The following PARN variants were observed in gnomAD, a reference collection of about 807,000 sequenced individuals.
PARN encodes the protein poly(A)-specific ribonuclease.
In PARN, 71 loss-of-function variants were observed where a neutral mutation model predicts 102.8. The observed-to-expected ratio is 0.69, with a 90% CI of 0.57 to 0.84. The LOEUF (loss-of-function observed/expected upper bound fraction) is 0.84, where lower values mean the gene tolerates loss of function less well. PARN is among the 40% of genes least tolerant of loss of function. PARN has a pLI of 0.00. For missense variants in PARN, 782 were observed against 760.9 expected (o/e 1.03, Z -0.33); for synonymous variants, 261 against 252.9 (o/e 1.03, Z -0.30).
At chr16:14,481,544 G>A (rs1963382440) in intron 22 of PARN, among the ~76,000 whole-genome samples, 2 of 152,128 alleles carry the variant, frequency 1.3e-5, no homozygotes. Context: ...ATCTTGCTTT[G>A]GTTGGAGATT....
chr16:14,572,737 G>A (rs16963797), intron 18 of PARN, among the ~76,000 whole-genome samples: 7,804 of 152,208 alleles, frequency 0.051, 242 homozygotes, highest in African/African-American at 0.081. Flanking sequence ...GGTACTAGCA[G>A]AAGTAGACAC....
intron 12 of PARN, among the ~76,000 whole-genome samples, chr16:14,597,017 C>T (rs1374842970): frequency 6.6e-6 from 1 of 152,036 alleles, no homozygotes; most frequent in East Asian, 1.9e-4. Context: ...GAACTCCCGA[C>T]CTCCAGTGAT....
At chr16:14,469,328 A>G (rs1331281015) in intron 22 of PARN, among the ~76,000 whole-genome samples, 1 of 152,214 alleles carries the variant, frequency 6.6e-6, no homozygotes, top group Non-Finnish European at 1.5e-5. Context: ...GCAAAACTCC[A>G]TCAAAACAAA....
chr16:14,438,357 G>A (rs911369306), intron 23 of PARN, among the ~76,000 whole-genome samples: 6 of 150,114 alleles, frequency 4.0e-5, no homozygotes. Context: ...ATCCAGCTCA[G>A]AGGAAAAAGG....
intron 10 of PARN, among the ~76,000 whole-genome samples, chr16:14,606,200 G>C (rs1971169139): frequency 6.6e-6 from 1 of 152,082 alleles, no homozygotes; most frequent in African/African-American, 2.4e-5. Context: ...AGGAGTTCAA[G>C]ACTAGCCTGG....
At chr16:14,517,123 C>T (rs1262429050) in intron 21 of PARN, among the ~76,000 whole-genome samples, 1 of 151,836 alleles carries the variant, frequency 6.6e-6, no homozygotes, top group Non-Finnish European at 1.5e-5. Context: ...TGTAAAATGG[C>T]AAAAAAAATC....
chr16:14,527,208 C>T (rs1966056002), intron 21 of PARN, among the ~76,000 whole-genome samples: 1 of 152,176 alleles, frequency 6.6e-6, no homozygotes, highest in Admixed American at 6.5e-5. Context: ...GAGTAAACAG[C>T]TGAATCTCCA....
chr16:14,460,462 A>T (rs1961903592), intron 22 of PARN, among the ~76,000 whole-genome samples: 1 of 152,220 alleles, frequency 6.6e-6, no homozygotes, highest in African/African-American at 2.4e-5. Context: ...CGGAAGGGTG[A>T]GTATTCTACA....
At chr16:14,620,226 A>C (rs147857283) in intron 5 of PARN, among the ~76,000 whole-genome samples, 6,223 of 151,278 alleles carry the variant, frequency 0.041, 147 homozygotes, top group African/African-American at 0.051. Context: ...AAATACAAAA[A>C]ATTAGCCAGG....
chr16:14,607,011 G>A (rs930395726), intron 9 of PARN, among the ~76,000 whole-genome samples: 3 of 151,988 alleles, frequency 2.0e-5, no homozygotes, highest in Non-Finnish European at 4.4e-5. Context: ...TCGATGTCCT[G>A]ACCTCGTGAT....
chr16:14,542,673 G>A (rs12443690), intron 21 of PARN, among the ~76,000 whole-genome samples: 102,497 of 152,000 alleles, frequency 0.67, 35,939 homozygotes, highest in Non-Finnish European at 0.78. Context: ...CATAACTAAA[G>A]TATACAATAT....
chr16:14,463,646 T>C (rs1024337514), intron 22 of PARN, among the ~76,000 whole-genome samples: 3 of 151,960 alleles, frequency 2.0e-5, no homozygotes, highest in African/African-American at 7.3e-5. Context: ...GACCCAGCAA[T>C]AGTAACTATC....
At chr16:14,582,414 ATTCC>A in intron 16 of PARN, 123 bp from the exon 17 acceptor site, 1 of 670,164 alleles carries the variant, frequency 1.5e-6, no homozygotes, top group South Asian at 1.7e-5. Context: ...AAAGCTATCT[ATTCC>A]TTAATTCTCT....
intron 18 of PARN, among the ~76,000 whole-genome samples, chr16:14,572,878 C>A (rs1358920238): frequency 6.6e-6 from 1 of 151,562 alleles, no homozygotes; most frequent in Non-Finnish European, 1.5e-5. Context: ...CATGTTAGAT[C>A]TTTTTGTATT....
intron 18 of PARN, among the ~76,000 whole-genome samples, chr16:14,579,837 G>A (rs903905624): frequency 2.0e-5 from 3 of 152,046 alleles, no homozygotes; most frequent in African/African-American, 7.2e-5. Flanking sequence ...TTAGCCAGGT[G>A]TGGTGGTACA....
At chr16:14,601,141 G>C (rs1027236889) in intron 11 of PARN, among the ~76,000 whole-genome samples, 2 of 152,050 alleles carry the variant, frequency 1.3e-5, no homozygotes, top group Non-Finnish European at 2.9e-5. Context: ...ATTGAAAGCA[G>C]GGACTCAAAT....
At chr16:14,493,498 G>C (rs1818965102) in intron 21 of PARN, among the ~76,000 whole-genome samples, 1 of 152,232 alleles carries the variant, frequency 6.6e-6, no homozygotes, top group Admixed American at 6.5e-5. Flanking sequence ...TTACAGGCAT[G>C]AACCACTGTG....
chr16:14,451,867 T>TAAAAAAAAAAAAAAAAAAAAAAAA (rs1567287329), intron 22 of PARN, among the ~76,000 whole-genome samples: 1 of 23,744 alleles, frequency 4.2e-5, no homozygotes, highest in African/African-American at 1.9e-4. Flanking sequence ...AAAAAAAAAA[T>TAAAAAAAAAAAAAAAAAAAAAAAA]ACAAAAAAAA....
intron 23 of PARN, among the ~76,000 whole-genome samples, chr16:14,437,689 G>T (rs1162816685): frequency 6.6e-6 from 1 of 152,154 alleles, no homozygotes; most frequent in Non-Finnish European, 1.5e-5. Context: ...CATAAAGTAG[G>T]GCTGACGGGG....
Sources: allele counts gnomAD v4.1 joint callset (sites outside exome capture counted in the v4.1 genomes callset), GRCh38; gene constraint gnomAD v4.1.1; transcripts MANE v1.5; gene names NCBI Gene and HGNC (gene_info 2026-07-23, HGNC 2026-07-21).